TSR1: variants seen among roughly 807,000 people sequenced by gnomAD.
TSR1 encodes the protein pre-rRNA-processing protein TSR1 homolog.
Under a neutral mutation model 90.9 loss-of-function variants are expected in TSR1, and 81 were observed. The observed-to-expected ratio is 0.89, with a 90% CI of 0.74 to 1.07. The LOEUF is 1.07. TSR1 is among the 50% of genes least tolerant of loss of function. TSR1 has a pLI of 0.00. For synonymous variants in TSR1, 362 were observed against 348.8 expected, an observed-to-expected ratio of 1.04 and a Z score of -0.42; for missense variants, 989 against 987.3, an observed-to-expected ratio of 1.00 and a Z score of -0.02.
rs778515557 is a variant in TSR1 at position 2,334,853 on chromosome 17, T to G, written c.600A>C (p.Gln200His). ...QGISGLPLKK[Q>H]IDTRKKLSKA... The stretch of plus-strand genomic sequence containing the variant: ...TACTTAGCTTCTTCCTGGTATCTAT[T>G]TGTTTCTTCAGTGGGAGGCCAGAAA... Residue 200 changes from glutamine to histidine, a missense_variant, in exon 5 of 15, where the codon CAA becomes CAC. Physicochemically the swap from Gln to His is conservative, Grantham distance 24. Transcript: ENST00000301364. The G allele has an allele frequency of 1.2e-6, 2 of 1,613,818 alleles. No homozygotes were observed. Among genetic ancestry groups the G allele is most frequent in the Non-Finnish European group, 8.5e-7 (1 of 1,179,874 alleles).
chr17:2,323,778 A>T lies in TSR1; in HGVS notation c.*418T>A. 2 of 1,614,182 alleles carry T rather than the reference A, an allele frequency of 1.2e-6. No individual in the cohort carries two copies. Among genetic ancestry groups the T allele is most frequent in the Non-Finnish European group, 1.7e-6 (2 of 1,180,030 alleles). ...TTCCCCAGAAGTAAAGAACATTTGTATTGTGCTCAGTGGTGGAAATGTAGA... is the reference window on the plus strand; with the variant it reads ...TTCCCCAGAAGTAAAGAACATTTGTTTTGTGCTCAGTGGTGGAAATGTAGA... On this transcript the variant is annotated 3_prime_UTR_variant, in exon 15 of 15. Transcript: ENST00000301364.
rs115350833 is a variant in TSR1 at position 2,334,348 on chromosome 17, T to A, written c.981+124A>T. 6.5e-4 allele frequency: 664 copies of A among 1,019,388 alleles called. 2 individuals are homozygous for A. In the African/African-American group the frequency reaches 9.8e-3, roughly 15 times the overall value. The allele number at this position is 1,019,388 out of a possible 1,614,324, so 63.1% of individuals were successfully genotyped here. The stretch of plus-strand genomic sequence containing the variant: ...ATTTATCAACCTATTTATAACTGAC[T>A]ATTGCCTTACTTCAGACTAGCAGTC... On this transcript the variant is annotated intron_variant, in intron 5 of 14. Transcript: ENST00000301364.
chr17:2,325,802 C>T (rs971038354), intron 11 of TSR1, among the ~76,000 whole-genome samples: 8 of 151,936 alleles, frequency 5.3e-5, no homozygotes, highest in South Asian at 2.1e-4. Flanking sequence ...TAGTAGAGAC[C>T]GGGTTTCACC....
chr17:2,336,387 T>C lies in TSR1; in HGVS notation c.41A>G (p.Lys14Arg). The C allele has an allele frequency of 1.9e-6, 3 of 1,613,380 alleles. No homozygotes were observed. The highest frequency in any genetic ancestry group is 2.5e-6 in the Non-Finnish European group (3 of 1,180,036). ...CCGATGCCGTCCGCCTTTATGAGCT[T>C]TATTCTGCTGCTTGAGCGGGCCGGG... Reference protein sequence around the residue: ...HRPGPLKQQNKAHKGGRHRGR... With the variant: ...HRPGPLKQQNRAHKGGRHRGR... Residue 14 changes from lysine (K) to arginine (R), a missense_variant, in exon 1 of 15, where the codon AAA becomes AGA. Physicochemically the swap from Lys to Arg is conservative, Grantham distance 26. Transcript: ENST00000301364.
intron 6 of TSR1, 165 bp from the exon 7 acceptor site, chr17:2,333,289 G>C (rs775600857): frequency 4.4e-5 from 40 of 903,848 alleles, no homozygotes; most frequent in Non-Finnish European, 6.5e-5. Context: ...CTCACAACTA[G>C]CAATACTTAC....
Position 2,331,270 on chromosome 17 carries a change from C to G in TSR1, c.1497-161G>C, listed in dbSNP as rs114340502. On this transcript the variant is annotated intron_variant, in intron 8 of 14. Transcript: ENST00000301364. ...TAAACCAAGACGACACTCCGAACAGCTTATAACAAGTTCTATCGGAACCAA... is the reference window on the plus strand; with the variant it reads ...TAAACCAAGACGACACTCCGAACAGGTTATAACAAGTTCTATCGGAACCAA... Among the ~76,000 whole-genome samples, 1,211 of 152,312 alleles carry G rather than the reference C, an allele frequency of 8.0e-3. 15 individuals carry two copies. The highest frequency in any genetic ancestry group is 0.027 in the African/African-American group (1,122 of 41,560).
In TSR1 at chr17:2,333,762, CCTAAAT is replaced by C. The variant is rs775945715; in HGVS notation, c.982-52_982-47del. ...ATAGTCAACCATGAACCAAAAATCT[CCTAAAT>C]CTAACACAGTAACCAGAAAGACCCA... On this transcript the variant is annotated intron_variant, in intron 5 of 14. Transcript: ENST00000301364. The C allele has an allele frequency of 1.1e-5, 18 of 1,610,698 alleles. No individual in the cohort carries two copies. The East Asian group carries it at 4.0e-4, about 36-fold the overall frequency.
At position 2,329,465 on chromosome 17, in the gene TSR1, AATACTGAC is replaced by A; in HGVS notation, c.1773_1780del (p.Met591IlefsTer8). On this transcript the variant is annotated frameshift_variant and splice_region_variant, in exon 11 of 15. Transcript: ENST00000301364. LOFTEE classifies it high-confidence loss of function. Reference sequence around the variant, plus strand: ...AGGGTCACGCCTCACCACCATATTCAATACTGACATCTGGGGACCAAGTAAGAAAAACA... The same window carrying A: ...AGGGTCACGCCTCACCACCATATTCAATCTGGGGACCAAGTAAGAAAAACA... 6.2e-7 allele frequency: 1 copy of A among 1,614,160 alleles called. No individual in the cohort carries two copies. Among genetic ancestry groups the A allele is most frequent in the Non-Finnish European group, 8.5e-7 (1 of 1,180,024 alleles).
In TSR1 at chr17:2,323,159, A is replaced by G. The variant is rs1223402922; in HGVS notation, c.*1037T>C. ...AGGCTCTGAAACCTAGTGTGAAGGT[A>G]TATGCTGCTGAACCCTCAAATGCAG... On this transcript the variant is annotated 3_prime_UTR_variant, in exon 15 of 15. Coordinates refer to ENST00000301364, the MANE Select transcript of TSR1 (RefSeq NM_018128.5). 1.2e-6 allele frequency: 2 copies of G among 1,614,092 alleles called. No homozygotes were observed. The highest frequency in any genetic ancestry group is 1.7e-6 in the Non-Finnish European group (2 of 1,180,052).
Position 2,330,797 on chromosome 17 carries a change from C to A in TSR1, c.1659+150G>T, listed in dbSNP as rs551027318. 2.9e-5 allele frequency: 29 copies of A among 994,520 alleles called. No homozygotes were observed. In the South Asian group the frequency reaches 4.5e-4, roughly 15 times the overall value. The allele number at this position is 994,520 out of a possible 1,614,324, so 61.6% of individuals were successfully genotyped here. On this transcript the variant is annotated intron_variant, in intron 9 of 14. Coordinates refer to ENST00000301364, the MANE Select transcript of TSR1 (RefSeq NM_018128.5). The stretch of plus-strand genomic sequence containing the variant: ...ACTTTTTCATTTAACATAGCTGATA[C>A]CTCTTTGTTCCCAGTATCATTCTAA...
Position 2,334,841 on chromosome 17 carries a change from C to T in TSR1, c.612G>A (p.Arg204=), listed in dbSNP as rs2151442145. Residue 204 remains arginine, a synonymous_variant, in exon 5 of 15, where the codon AGG becomes AGA. Transcript: ENST00000301364. The part of the protein sequence containing the change: ...GLPLKKQIDT[R]KKLSKAVEKR... Reference sequence around the variant, plus strand: ...TCTCCACTGCTTTACTTAGCTTCTTCCTGGTATCTATTTGTTTCTTCAGTG... The same window carrying T: ...TCTCCACTGCTTTACTTAGCTTCTTTCTGGTATCTATTTGTTTCTTCAGTG... The T allele has an allele frequency of 6.2e-7, 1 of 1,614,136 alleles. No individual in the cohort carries two copies. Among genetic ancestry groups the T allele is most frequent in the East Asian group, 2.2e-5 (1 of 44,888 alleles).
In TSR1 at chr17:2,323,334, G is replaced by A. The variant is rs1334067078; in HGVS notation, c.*862C>T. ...GGATGATATCTTCACTGTCACAGAG[G>A]ATGAAATTAAGGTGAGGCTCCAGCA... is the stretch of plus-strand genomic sequence containing the variant. On this transcript the variant is annotated 3_prime_UTR_variant, in exon 15 of 15. Coordinates refer to ENST00000301364, the MANE Select transcript of TSR1 (RefSeq NM_018128.5). The A allele has an allele frequency of 6.2e-7, 1 of 1,613,860 alleles. No individual in the cohort carries two copies. The highest frequency in any genetic ancestry group is 8.5e-7 in the Non-Finnish European group (1 of 1,179,880).
chr17:2,328,094 T>A (rs2075584917), intron 11 of TSR1, among the ~76,000 whole-genome samples: 1 of 150,634 alleles, frequency 6.6e-6, no homozygotes, highest in Non-Finnish European at 1.5e-5. Flanking sequence ...AATACAAAAA[T>A]TAGCTAGGCG....
chr17:2,335,643 G>A lies in TSR1; in HGVS notation c.289C>T (p.Pro97Ser). The change falls in exon 3 of 15, where the codon CCA becomes TCA. Residue 97 changes from proline (P) to serine (S), a missense_variant. Transcript: ENST00000301364. Reference protein sequence around the residue: ...VVPLHSRISLPEAMQLLQDRD... With the variant: ...VVPLHSRISLSEAMQLLQDRD... ...TCTTGAAGCAGCTGCATGGCCTCTG[G>A]CAGGGAAATTCTGCTGTGCAGGGGC... 4.3e-6 allele frequency: 7 copies of A among 1,614,112 alleles called. No homozygotes were observed. The highest frequency in any genetic ancestry group is 5.9e-6 in the Non-Finnish European group (7 of 1,180,012).
rs771317920 is a variant in TSR1 at position 2,335,350 on chromosome 17, T to C, written c.466A>G (p.Ile156Val). The C allele has an allele frequency of 6.2e-7, 1 of 1,613,598 alleles. No individual in the cohort carries two copies. The highest frequency in any genetic ancestry group is 1.1e-5 in the South Asian group (1 of 91,076). ...TCTAGTGGATCAAGGAGGAACAGGA[T>C]GGTATCAGCTACTTTAGCCATGTCT... ...VLDMAKVADT[I>V]LFLLDPLEGW... Residue 156 changes from isoleucine to valine, a missense_variant, in exon 4 of 15, where the codon ATC becomes GTC. Coordinates refer to ENST00000301364, the MANE Select transcript of TSR1 (RefSeq NM_018128.5).
At chr17:2,335,201 A>T (rs1259955017) in intron 4 of TSR1, 59 bp downstream of exon 4, 2 of 1,549,196 alleles carry the variant, frequency 1.3e-6, no homozygotes, top group Non-Finnish European at 1.8e-6. Flanking sequence ...TTCCTGTATC[A>T]AATACCAGGC....
At chr17:2,330,883 A>C (rs2063999073) in intron 9 of TSR1, 64 bp downstream of exon 9, 1 of 1,515,162 alleles carries the variant, frequency 6.6e-7, no homozygotes. Context: ...CAAGAGAAGG[A>C]ATAAAGTAGG....
intron 2 of TSR1, 97 bp downstream of exon 2, chr17:2,335,940 T>C: frequency 7.2e-7 from 1 of 1,384,048 alleles, no homozygotes; most frequent in Non-Finnish European, 1.0e-6. Context: ...CTATGCTCTG[T>C]CCCTGGACCC....
rs749207477 is a variant in TSR1, at chr17:2,330,599, G to T, written c.1686C>A (p.Val562=). The T allele has an allele frequency of 1.9e-5, 30 of 1,613,710 alleles. No homozygotes were observed. Among genetic ancestry groups the T allele is most frequent in the Non-Finnish European group, 2.4e-5 (28 of 1,179,956 alleles). Residue 562 remains valine (V), a synonymous_variant, in exon 10 of 15, where the codon GTC becomes GTA. Coordinates refer to ENST00000301364, the MANE Select transcript of TSR1 (RefSeq NM_018128.5). Reference sequence around the variant, plus strand: ...CGACCACTGAGACGGGGACTTCAGAGACATGAAGTGTGACATACCAGCCAA... The same window carrying T: ...CGACCACTGAGACGGGGACTTCAGATACATGAAGTGTGACATACCAGCCAA... ...AEVGWYVTLH[V]SEVPVSVVEC...
Sources: gnomAD v4.1 joint callset for allele counts (sites outside exome capture counted in the v4.1 genomes callset) on GRCh38, gnomAD v4.1.1 for gene constraint, MANE v1.5 for transcripts, NCBI Gene and HGNC (gene_info 2026-07-23, HGNC 2026-07-21) for gene names.